Variants in SASH1 observed in about 807,000 individuals in gnomAD.
SASH1 encodes SAM and SH3 domain containing 1, also known as SAM and SH3 domain-containing protein 1.
Under a neutral mutation model 125.2 loss-of-function variants are expected in SASH1, and 44 were observed. That is an observed-to-expected ratio of 0.35 (90% confidence interval 0.28 to 0.45). The LOEUF is 0.45. Ranked by LOEUF, SASH1 falls within the 20% of genes least tolerant of loss-of-function variation. The pLI, the probability that SASH1 is intolerant of heterozygous loss-of-function variation, is 1.00. For missense variants in SASH1, 1,426 were observed against 1,614.5 expected (o/e 0.88, Z 2.00); for synonymous variants, 639 against 649.1 (o/e 0.98, Z 0.24).
At chr6:148,287,899 T>C (rs976552455) in intron 1 of SASH1, among the ~76,000 whole-genome samples, 3 of 152,234 alleles carry the variant, frequency 2.0e-5, no homozygotes, top group Non-Finnish European at 4.4e-5. Context: ...GGTTTCTTGT[T>C]TGTTGGTACA....
intron 1 of SASH1, among the ~76,000 whole-genome samples, chr6:148,387,939 G>A (rs1193784823): frequency 9.4e-6 from 1 of 106,028 alleles, no homozygotes; most frequent in Non-Finnish European, 1.8e-5. Context: ...TTTTGAGACA[G>A]GGTTTCACTC....
At chr6:148,499,545 G>A (rs2115262499) in intron 8 of SASH1, among the ~76,000 whole-genome samples, 1 of 152,280 alleles carries the variant, frequency 6.6e-6, no homozygotes, top group South Asian at 2.1e-4. Flanking sequence ...AGATGGCGTG[G>A]TTGTGGACTT....
At chr6:148,512,004 C>CATTTATTTATTTATTTATTTATTTATTT (rs79447361) in intron 8 of SASH1, among the ~76,000 whole-genome samples, 2 of 128,992 alleles carry the variant, frequency 1.6e-5, no homozygotes, top group African/African-American at 5.3e-5. Context: ...TTGATTTCAA[C>CATTTATTTATTTATTTATTTATTTATTT]ATTTATTTAT....
intron 1 of SASH1, among the ~76,000 whole-genome samples, chr6:148,301,745 AT>A (rs34707015): frequency 0.011 from 1,094 of 102,836 alleles, 8 homozygotes; most frequent in African/African-American, 0.036. Flanking sequence ...CATCTTGGTG[AT>A]TTTTTTTTTT....
intron 2 of SASH1, among the ~76,000 whole-genome samples, chr6:148,420,597 A>G (rs1251888730): frequency 6.6e-6 from 1 of 152,174 alleles, no homozygotes; most frequent in Admixed American, 6.5e-5. Flanking sequence ...AATGACTTCA[A>G]GCTGTATGCT....
chr6:148,228,703 C>CT, the SASH1 span, among the ~76,000 whole-genome samples: 1 of 152,150 alleles, frequency 6.6e-6, no homozygotes, highest in Non-Finnish European at 1.5e-5. Flanking sequence ...CAGCATGTGA[C>CT]TTTAGCTCTT....
At chr6:148,430,569 C>T (rs568965926) in intron 2 of SASH1, among the ~76,000 whole-genome samples, 3 of 152,234 alleles carry the variant, frequency 2.0e-5, no homozygotes, top group East Asian at 1.9e-4. Context: ...TGACCTCAAG[C>T]GATCCACCCG....
intron 1 of SASH1, among the ~76,000 whole-genome samples, chr6:148,309,573 G>A (rs990748368): frequency 1.3e-5 from 2 of 151,806 alleles, no homozygotes; most frequent in Non-Finnish European, 2.9e-5. Flanking sequence ...GGACAGCCCT[G>A]GCTTGTACAA....
At chr6:148,389,204 T>G (rs1392708286) in intron 1 of SASH1, among the ~76,000 whole-genome samples, 4 of 152,028 alleles carry the variant, frequency 2.6e-5, no homozygotes, top group African/African-American at 9.7e-5. Context: ...CCGGCTAAAG[T>G]CTAAGCGCTT....
At position 148,287,593 on chromosome 6, in the gene SASH1, T is replaced by C. The variant is rs531314963; in HGVS notation, n.74+15216T>C. Among the ~76,000 whole-genome samples, 4 of 152,260 alleles carry C rather than the reference T, an allele frequency of 2.6e-5. No individual in the cohort carries two copies. In the South Asian group the frequency reaches 6.2e-4, roughly 24 times the overall value. On this transcript the variant is annotated intron_variant and non_coding_transcript_variant, in intron 1 of 3. Transcript: ENST00000367469. ...TTTGAATGTCTGTATTTAAGATTAT[T>C]TTATTATGGGTCTGTTTTTTGAGCA...
chr6:148,549,685 CTTTT>C lies in SASH1; in HGVS notation c.*1131_*1134del. 2.5e-6 allele frequency: 1 copy of C among 398,706 alleles called. No individual in the cohort carries two copies. Among genetic ancestry groups the C allele is most frequent in the Non-Finnish European group, 4.4e-6 (1 of 225,888 alleles). 24.7% of individuals were successfully genotyped at this position (398,706 alleles called of 1,614,324 possible). Reference sequence around the variant, plus strand: ...TACAACTAATACTATTATTATCCTTCTTTTTTTATTTAGATAATTCTTTTAATTT... The same window carrying C: ...TACAACTAATACTATTATTATCCTTCTTTATTTAGATAATTCTTTTAATTT... On this transcript the variant is annotated 3_prime_UTR_variant, in exon 20 of 20. Transcript: ENST00000367467.
At chr6:148,224,487 A>G in the SASH1 span, among the ~76,000 whole-genome samples, 1 of 152,060 alleles carries the variant, frequency 6.6e-6, no homozygotes, top group African/African-American at 2.4e-5. Flanking sequence ...CAGGCTCCCA[A>G]ATAGCTGGGA....
chr6:148,409,804 C>T (rs183861201), intron 2 of SASH1, among the ~76,000 whole-genome samples: 351 of 152,076 alleles, frequency 2.3e-3, no homozygotes, highest in African/African-American at 8.0e-3. Flanking sequence ...CGTGGTGGCA[C>T]GTGTCTGTAA....
chr6:148,223,304 G>A, the SASH1 span, among the ~76,000 whole-genome samples: 4 of 152,162 alleles, frequency 2.6e-5, no homozygotes, highest in African/African-American at 7.2e-5. Context: ...GATTACATGA[G>A]TTAATATTTA....
At chr6:148,363,521 C>T (rs530915112) in intron 1 of SASH1, among the ~76,000 whole-genome samples, 11 of 152,206 alleles carry the variant, frequency 7.2e-5, no homozygotes, top group Admixed American at 6.5e-4. Context: ...CTGCCTCAGC[C>T]TCCTGAGTAG....
At chr6:148,318,880 CAG>C (rs1380997040) in intron 1 of SASH1, among the ~76,000 whole-genome samples, 2 of 151,930 alleles carry the variant, frequency 1.3e-5, no homozygotes, top group African/African-American at 2.4e-5. Flanking sequence ...ATTTTTCACA[CAG>C]AGAATATTTT....
At chr6:148,241,510 A>G in the SASH1 span, among the ~76,000 whole-genome samples, 1 of 152,120 alleles carries the variant, frequency 6.6e-6, no homozygotes, top group Non-Finnish European at 1.5e-5. Context: ...AGATTTATAG[A>G]CCCCTTGAAT....
chr6:148,355,650 C>T (rs1326239121), intron 1 of SASH1, among the ~76,000 whole-genome samples: 1 of 152,074 alleles, frequency 6.6e-6, no homozygotes, highest in African/African-American at 2.4e-5. Context: ...AGCAGGATGC[C>T]TTCTATAGTG....
intron 2 of SASH1, among the ~76,000 whole-genome samples, chr6:148,398,735 A>G (rs564894723): frequency 1.3e-5 from 2 of 152,302 alleles, no homozygotes; most frequent in African/African-American, 4.8e-5. Context: ...TTTGGGCTAC[A>G]GCTGATTTGA....
Sources: allele counts gnomAD v4.1 joint callset (sites outside exome capture counted in the v4.1 genomes callset), GRCh38; gene constraint gnomAD v4.1.1; transcripts MANE v1.5; gene names NCBI Gene and HGNC (gene_info 2026-07-23, HGNC 2026-07-21).